Variants in MTMR3 observed in about 807,000 individuals in gnomAD.
The protein encoded by MTMR3 is phosphatidylinositol-3,5-bisphosphate 3-phosphatase MTMR3.
A neutral mutation model predicts 132.4 loss-of-function variants in MTMR3; 32 were observed. The ratio of observed to expected loss-of-function variants is 0.24; its 90% CI spans 0.18 to 0.32. The LOEUF is 0.32. Among genes scored for constraint, MTMR3 ranks in the 10% least tolerant of loss-of-function variants. The pLI, the probability that MTMR3 is intolerant of heterozygous loss-of-function variation, is 1.00. For missense variants in MTMR3, 1,216 were observed against 1,489.6 expected (o/e 0.82, Z 3.02); for synonymous variants, 556 against 550.3 (o/e 1.01, Z -0.14).
intron 2 of MTMR3, among the ~76,000 whole-genome samples, chr22:29,963,257 G>GT (rs1170304447): frequency 6.6e-6 from 1 of 151,766 alleles, no homozygotes; most frequent in Admixed American, 6.6e-5. Flanking sequence ...CAATTTTTGT[G>GT]TTTTTTGTAG....
At chr22:29,959,319 G>C (rs1028547274) in intron 2 of MTMR3, among the ~76,000 whole-genome samples, 4 of 152,190 alleles carry the variant, frequency 2.6e-5, no homozygotes, top group South Asian at 2.1e-4. Flanking sequence ...TTTAGCCAGG[G>C]GGGTGGGGGA....
At chr22:29,906,888 G>A (rs895898968) in intron 1 of MTMR3, among the ~76,000 whole-genome samples, 4 of 151,234 alleles carry the variant, frequency 2.6e-5, no homozygotes, top group Admixed American at 2.6e-4. Flanking sequence ...GACCAGCCTG[G>A]CCAACATGGT....
At chr22:29,971,085 A>G (rs1202139048) in intron 3 of MTMR3, 23 bp downstream of exon 3, 3 of 1,055,216 alleles carry the variant, frequency 2.8e-6, no homozygotes, top group Non-Finnish European at 3.8e-6. Flanking sequence ...AAATAAGAGT[A>G]AAAAAAAAAA....
At chr22:30,017,005 G>A in intron 15 of MTMR3, 2 of 255,232 alleles carry the variant, frequency 7.8e-6, no homozygotes, top group Admixed American at 5.0e-5. Flanking sequence ...TCTGTCTTAC[G>A]GGAGAGGCAC....
At chr22:29,884,343 C>T (rs141823163) in intron 1 of MTMR3, among the ~76,000 whole-genome samples, 1 of 152,166 alleles carries the variant, frequency 6.6e-6, no homozygotes, top group East Asian at 1.9e-4. Context: ...ATGGTAATGC[C>T]ATAAGAGGCC....
intron 1 of MTMR3, among the ~76,000 whole-genome samples, chr22:29,928,731 TC>T (rs959737059): frequency 1.1e-4 from 17 of 152,064 alleles, no homozygotes; most frequent in South Asian, 2.1e-4. Context: ...CCTAGGCTGA[TC>T]CTGAACTCCT....
At chr22:29,901,867 C>A (rs2145727333) in intron 1 of MTMR3, among the ~76,000 whole-genome samples, 1 of 152,206 alleles carries the variant, frequency 6.6e-6, no homozygotes, top group South Asian at 2.1e-4. Context: ...TGAGATTCAT[C>A]CATGTTTTTA....
intron 17 of MTMR3, 64 bp downstream of exon 17, chr22:30,020,948 C>T (rs2067730420): frequency 1.4e-6 from 2 of 1,455,900 alleles, no homozygotes; most frequent in Non-Finnish European, 1.9e-6. Flanking sequence ...GCTGGGTGCC[C>T]TTTGTGCCCA....
At chr22:29,962,635 C>T (rs2066334168) in intron 2 of MTMR3, among the ~76,000 whole-genome samples, 1 of 152,132 alleles carries the variant, frequency 6.6e-6, no homozygotes, top group African/African-American at 2.4e-5. Context: ...CCTGTGATTA[C>T]AGCACTGCAA....
Position 30,019,603 on chromosome 22 carries a change from A to T in MTMR3, c.1944A>T (p.Leu648=), listed in dbSNP as rs781421919. 62 of 1,614,016 alleles carry T rather than the reference A, an allele frequency of 3.8e-5. No individual in the cohort carries two copies. The highest frequency in any genetic ancestry group is 5.2e-5 in the Non-Finnish European group (61 of 1,180,048). ...AGTGGCAGGAGCACCGGCGCTCACTAGAGCTGAGCAGCCTGGCTGGCCCTG... is the reference window on the plus strand; with the variant it reads ...AGTGGCAGGAGCACCGGCGCTCACTTGAGCTGAGCAGCCTGGCTGGCCCTG... ...NEKWQEHRRS[L]ELSSLAGPGE... The change falls in exon 17 of 20, where the codon CTA becomes CTT. Residue 648 remains leucine, a synonymous_variant. Transcript: ENST00000401950.
intron 2 of MTMR3, among the ~76,000 whole-genome samples, chr22:29,969,500 A>G (rs1266132317): frequency 6.6e-6 from 1 of 150,992 alleles, no homozygotes; most frequent in Non-Finnish European, 1.5e-5. Context: ...ACTGTTCTCT[A>G]CCCAACAGCC....
In MTMR3 at chr22:29,933,695, A is replaced by C. The variant is rs549922217; in HGVS notation, c.-137-23341A>C. Among the ~76,000 whole-genome samples the C allele has an allele frequency of 1.5e-4, 23 of 151,522 alleles. 1 individual carries two copies. In the East Asian group the frequency reaches 4.1e-3, roughly 27 times the overall value. On this transcript the variant is annotated intron_variant, in intron 1 of 19. Transcript: ENST00000401950. ...TCAATGATAGTCTTGTTCTTTGCAC[A>C]TAAAGATGATAGTGTAAACCCAACA... is the stretch of plus-strand genomic sequence containing the variant.
chr22:30,016,474 TATC>T (rs2067595321), intron 14 of MTMR3, 51 bp from the exon 15 acceptor site: 49 of 1,581,850 alleles, frequency 3.1e-5, no homozygotes, highest in Non-Finnish European at 4.2e-5. Context: ...TGAGCTGACT[TATC>T]AGAGTGTGCA....
At chr22:29,929,869 C>G (rs904328946) in intron 1 of MTMR3, among the ~76,000 whole-genome samples, 3 of 152,128 alleles carry the variant, frequency 2.0e-5, no homozygotes, top group South Asian at 2.1e-4. Context: ...TATTCTAACA[C>G]TTACTGGGAA....
chr22:29,991,349 T>C (rs1310355545), intron 6 of MTMR3, 155 bp from the exon 7 acceptor site: 1 of 617,374 alleles, frequency 1.6e-6, no homozygotes, highest in African/African-American at 1.9e-5. Flanking sequence ...TTCTTATAAG[T>C]GATAATGAGC....
In MTMR3 at chr22:30,008,932, G is replaced by C. The variant is rs890275811; in HGVS notation, c.1010-86G>C. ...GTTAATCAGAAGCTGCAGTGGGTTT[G>C]TTTTATAGCCAGTTTGCTTTTAAAT... On this transcript the variant is annotated intron_variant, in intron 11 of 19. Coordinates refer to ENST00000401950, the MANE Select transcript of MTMR3 (RefSeq NM_021090.4). The C allele has an allele frequency of 2.7e-5, 24 of 890,502 alleles. No homozygotes were observed. In the African/African-American group the frequency reaches 3.5e-4, roughly 13 times the overall value. 55.2% of individuals were successfully genotyped at this position (890,502 alleles called of 1,614,324 possible).
chr22:29,893,540 T>G (rs1230580391), intron 1 of MTMR3, among the ~76,000 whole-genome samples: 2 of 152,224 alleles, frequency 1.3e-5, no homozygotes, highest in Non-Finnish European at 2.9e-5. Context: ...TCTCTCCAGT[T>G]TCTTGTACAT....
Position 30,012,383 on chromosome 22 carries a change from T to C in MTMR3, c.1137T>C (p.Leu379=), listed in dbSNP as rs147773147. ...MPDPGNWLSA[L]ESTKWLHHLS... is the part of the protein sequence containing the mutation. ...GTTTTTATAGTTGGCTATCAGCTCT[T>C]GAAAGCACAAAATGGCTCCATCACT... The change falls in exon 13 of 20, where the codon CTT becomes CTC. Residue 379 remains leucine (L), a synonymous_variant. Transcript: ENST00000401950. The C allele has an allele frequency of 8.3e-5, 134 of 1,613,548 alleles. No homozygotes were observed. Among genetic ancestry groups the C allele is most frequent in the Non-Finnish European group, 1.4e-5 (16 of 1,179,872 alleles).
chr22:29,976,294 G>GT (rs1026284513), intron 3 of MTMR3, among the ~76,000 whole-genome samples: 1 of 151,426 alleles, frequency 6.6e-6, no homozygotes, highest in African/African-American at 2.4e-5. Context: ...GTTACTGTTT[G>GT]TTTTTTTCCT....
Sources: allele counts gnomAD v4.1 joint callset (sites outside exome capture counted in the v4.1 genomes callset), GRCh38; gene constraint gnomAD v4.1.1; transcripts MANE v1.5; gene names NCBI Gene and HGNC (gene_info 2026-07-23, HGNC 2026-07-21).